The following ELP4 variants were observed in gnomAD, a reference collection of about 807,000 sequenced individuals.
ELP4 encodes the protein elongator acetyltransferase complex subunit 4.
ELP4 carries 51 observed loss-of-function variants against 48.9 expected under a neutral mutation model. The observed-to-expected ratio is 1.04, with a 90% CI of 0.83 to 1.32. The LOEUF (loss-of-function observed/expected upper bound fraction) is 1.32, where lower values mean the gene tolerates loss of function less well. Ranked by LOEUF, ELP4 falls within the 40% of genes most tolerant of loss-of-function variation. The pLI is 0.00. For synonymous variants in ELP4, 210 were observed against 189.2 expected (o/e 1.11, Z -0.90); for missense variants, 519 against 514.6 (o/e 1.01, Z -0.08).
At chr11:31,656,952 A>G (rs1375689208) in intron 9 of ELP4, among the ~76,000 whole-genome samples, 2 of 152,056 alleles carry the variant, frequency 1.3e-5, no homozygotes, top group African/African-American at 4.8e-5. Flanking sequence ...TCTTTTCATA[A>G]TGTGTCATTT....
intron 9 of ELP4, among the ~76,000 whole-genome samples, chr11:31,661,648 T>G (rs1945557545): frequency 6.8e-6 from 1 of 146,040 alleles, no homozygotes; most frequent in Non-Finnish European, 1.5e-5. Flanking sequence ...TTGATATTGC[T>G]CAAAACATGT....
chr11:31,618,711 T>C (rs570684904), intron 5 of ELP4, among the ~76,000 whole-genome samples: 76 of 152,240 alleles, frequency 5.0e-4, no homozygotes, highest in African/African-American at 1.7e-3. Context: ...AGTACATTAA[T>C]GGTTCCTTAG....
At chr11:31,691,985 G>GC (rs1384473430) in intron 9 of ELP4, among the ~76,000 whole-genome samples, 2 of 152,106 alleles carry the variant, frequency 1.3e-5, no homozygotes, top group African/African-American at 4.8e-5. Flanking sequence ...TAGGAGAATT[G>GC]CCCCCATGTT....
At chr11:31,530,718 T>C (rs1404327444) in intron 2 of ELP4, among the ~76,000 whole-genome samples, 2 of 152,198 alleles carry the variant, frequency 1.3e-5, no homozygotes, top group Non-Finnish European at 2.9e-5. Context: ...GTCCAACAGA[T>C]ATTTGAAGAC....
chr11:31,693,238 C>A (rs1309243305), intron 9 of ELP4, among the ~76,000 whole-genome samples: 1 of 151,894 alleles, frequency 6.6e-6, no homozygotes, highest in Non-Finnish European at 1.5e-5. Flanking sequence ...ATACATGTGC[C>A]ATGTTGGTGT....
intron 9 of ELP4, among the ~76,000 whole-genome samples, chr11:31,782,827 T>A (rs751928436): frequency 6.6e-6 from 1 of 152,190 alleles, no homozygotes; most frequent in Non-Finnish European, 1.5e-5. Context: ...ACCCTCCGGT[T>A]GGTATCATTT....
In ELP4 at chr11:31,647,865, A is replaced by G. The variant is rs1335487345; in HGVS notation, c.1036+16A>G. ...GATTATCATGGTAAGTACAACCTTC[A>G]TAATGAGAAGAGCAGGAGCAGGCTG... On this transcript the variant is annotated intron_variant, in intron 8 of 9. Transcript: ENST00000640961. 2 of 1,459,352 alleles carry G rather than the reference A, an allele frequency of 1.4e-6. No homozygotes were observed. Among genetic ancestry groups the G allele is most frequent in the Non-Finnish European group, 1.9e-6 (2 of 1,040,594 alleles). The allele number at this position is 1,459,352 out of a possible 1,614,324, so 90.4% of individuals were successfully genotyped here.
rs12800839 is a variant in ELP4, at chr11:31,771,706, T to G, written c.1144-11687T>G. 7.6e-3 allele frequency among the ~76,000 whole-genome samples: 1,164 copies of G among 152,244 alleles called. 12 individuals carry two copies. Among genetic ancestry groups the G allele is most frequent in the African/African-American group, 0.026 (1,086 of 41,548 alleles). On this transcript the variant is annotated intron_variant, in intron 9 of 9. Coordinates refer to ENST00000640961, the MANE Select transcript of ELP4 (RefSeq NM_019040.5). Reference sequence around the variant, plus strand: ...AAAATTTAGGTCTTAGTGGCCGGGCTCAGTGGCTCACGCCTGTAATCCCAG... The same window carrying G: ...AAAATTTAGGTCTTAGTGGCCGGGCGCAGTGGCTCACGCCTGTAATCCCAG...
intron 9 of ELP4, chr11:31,650,490 A>G (rs1592191517): frequency 6.7e-6 from 2 of 298,996 alleles, no homozygotes; most frequent in East Asian, 5.6e-5. Context: ...TAAATATGAT[A>G]TGCATATTTC....
At chr11:31,779,379 C>G (rs1948319548) in intron 9 of ELP4, among the ~76,000 whole-genome samples, 1 of 152,160 alleles carries the variant, frequency 6.6e-6, no homozygotes, top group African/African-American at 2.4e-5. Context: ...TGAGCACAGG[C>G]CTGGCAGGCT....
At chr11:31,558,892 A>T (rs1038023917) in intron 3 of ELP4, among the ~76,000 whole-genome samples, 2 of 152,192 alleles carry the variant, frequency 1.3e-5, no homozygotes, top group African/African-American at 4.8e-5. Flanking sequence ...CCAAAGTCAG[A>T]ATTGGGAATA....
At chr11:31,572,377 T>C (rs1315162745) in intron 3 of ELP4, among the ~76,000 whole-genome samples, 2 of 152,190 alleles carry the variant, frequency 1.3e-5, no homozygotes, top group African/African-American at 4.8e-5. Context: ...AATTAGACCC[T>C]TTGAAAAGAA....
At chr11:31,628,079 T>C (rs1707809857) in intron 6 of ELP4, among the ~76,000 whole-genome samples, 2 of 152,126 alleles carry the variant, frequency 1.3e-5, no homozygotes, top group Non-Finnish European at 2.9e-5. Context: ...CTTATGTGTG[T>C]ATGATAAAGT....
chr11:31,783,094 T>C (rs999920074), intron 9 of ELP4, among the ~76,000 whole-genome samples: 3 of 152,248 alleles, frequency 2.0e-5, no homozygotes, highest in Admixed American at 2.0e-4. Context: ...TGTTTACATG[T>C]GTTCACTTCT....
chr11:31,625,530 G>A (rs1171487268), intron 5 of ELP4, among the ~76,000 whole-genome samples: 1 of 151,628 alleles, frequency 6.6e-6, no homozygotes, highest in South Asian at 2.1e-4. Flanking sequence ...GGACATTATG[G>A]CAAATGAAAT....
intron 9 of ELP4, among the ~76,000 whole-genome samples, chr11:31,712,904 G>A (rs1946771861): frequency 6.6e-6 from 1 of 152,148 alleles, no homozygotes; most frequent in Admixed American, 6.5e-5. Context: ...CACCTTGCCT[G>A]AATGAAGCCC....
chr11:31,712,419 A>G (rs1946761324), intron 9 of ELP4, among the ~76,000 whole-genome samples: 1 of 152,160 alleles, frequency 6.6e-6, no homozygotes, highest in Non-Finnish European at 1.5e-5. Flanking sequence ...TAAGTTTGAG[A>G]GCAACCAGGT....
chr11:31,553,350 A>G (rs549999947), intron 3 of ELP4, among the ~76,000 whole-genome samples: 1 of 152,262 alleles, frequency 6.6e-6, no homozygotes, highest in South Asian at 2.1e-4. Flanking sequence ...AATTTGGTAG[A>G]CTGAGTAAAG....
intron 9 of ELP4, chr11:31,689,351 A>G (rs944792070): frequency 1.3e-5 from 2 of 151,830 alleles, no homozygotes; most frequent in Non-Finnish European, 2.9e-5. Context: ...CTGCGGTGGA[A>G]GGATCACTTG....
Sources: allele counts gnomAD v4.1 joint callset (sites outside exome capture counted in the v4.1 genomes callset), GRCh38; gene constraint gnomAD v4.1.1; transcripts MANE v1.5; gene names NCBI Gene and HGNC (gene_info 2026-07-23, HGNC 2026-07-21).